RYR2: variants seen among roughly 807,000 people sequenced by gnomAD.
The protein encoded by RYR2 is ryanodine receptor 2, also known as cardiac muscle ryanodine receptor-calcium release channel.
A neutral mutation model predicts 601.1 loss-of-function variants in RYR2; 227 were observed. That is an observed-to-expected ratio of 0.38 (90% CI 0.34 to 0.42). The LOEUF (loss-of-function observed/expected upper bound fraction) is 0.42. Among genes scored for constraint, RYR2 ranks in the 10% least tolerant of loss-of-function variants. The probability of loss-of-function intolerance (pLI) is 1.00; values close to 1 mark genes in which losing one functional copy is unlikely to be tolerated. For missense variants in RYR2, 4,646 were observed against 6,156.5 expected (o/e 0.75, Z 8.21); for synonymous variants, 2,223 against 2,175.1 (o/e 1.02, Z -0.61).
intron 27 of RYR2, among the ~76,000 whole-genome samples, chr1:237,563,049 G>A (rs1337425542): frequency 6.6e-6 from 1 of 152,086 alleles, no homozygotes; most frequent in Non-Finnish European, 1.5e-5. Context: ...TTAGCAAGAG[G>A]TATAATGTTG....
chr1:237,669,729 A>G (rs1573441009), intron 58 of RYR2, among the ~76,000 whole-genome samples: 1 of 134,032 alleles, frequency 7.5e-6, no homozygotes, highest in East Asian at 2.3e-4. Context: ...CCTAGATGTG[A>G]TGGCGGCTGG....
chr1:237,538,098 A>G (rs2148003398), intron 25 of RYR2, among the ~76,000 whole-genome samples: 1 of 152,228 alleles, frequency 6.6e-6, no homozygotes, highest in African/African-American at 2.4e-5. Flanking sequence ...ACTAGTCTTT[A>G]GGAAGTTCAG....
intron 1 of RYR2, among the ~76,000 whole-genome samples, chr1:237,156,269 AC>A (rs1205324140): frequency 6.6e-6 from 1 of 152,246 alleles, no homozygotes; most frequent in Non-Finnish European, 1.5e-5. Context: ...TTGTGAAGGT[AC>A]TAAATGCCAC....
chr1:237,538,010 A>C (rs1668827218), intron 25 of RYR2, among the ~76,000 whole-genome samples: 1 of 152,146 alleles, frequency 6.6e-6, no homozygotes, highest in Non-Finnish European at 1.5e-5. Context: ...AATAACAAAG[A>C]GGTGATTGAT....
At chr1:237,255,818 G>A (rs995409279) in intron 1 of RYR2, among the ~76,000 whole-genome samples, 1 of 148,818 alleles carries the variant, frequency 6.7e-6, no homozygotes, top group Non-Finnish European at 1.5e-5. Context: ...TGATGTTCTA[G>A]TTGTGCTGCT....
chr1:237,063,836 T>C (rs993644305), intron 1 of RYR2, among the ~76,000 whole-genome samples: 1 of 152,184 alleles, frequency 6.6e-6, no homozygotes, highest in African/African-American at 2.4e-5. Context: ...CATCTGTGTT[T>C]CTCCTTGTTT....
chr1:237,387,155 G>A (rs1370555381), intron 8 of RYR2, 126 bp from the exon 9 acceptor site: 4 of 810,674 alleles, frequency 4.9e-6, no homozygotes, highest in South Asian at 1.4e-5. Flanking sequence ...TTGAATGACA[G>A]GTTGAAACAG....
chr1:237,298,871 A>T (rs1392927877), intron 2 of RYR2, among the ~76,000 whole-genome samples: 1 of 152,054 alleles, frequency 6.6e-6, no homozygotes, highest in African/African-American at 2.4e-5. Flanking sequence ...ATGGTGGTGC[A>T]CACCTGTAGT....
At chr1:237,349,688 T>A (rs1344300428) in intron 3 of RYR2, among the ~76,000 whole-genome samples, 2 of 152,232 alleles carry the variant, frequency 1.3e-5, no homozygotes, top group Non-Finnish European at 2.9e-5. Flanking sequence ...AATTTATACT[T>A]ATAATGAAAG....
chr1:237,687,651 A>G (rs532253292), intron 63 of RYR2, 147 bp downstream of exon 63: 4 of 672,370 alleles, frequency 5.9e-6, no homozygotes, highest in Non-Finnish European at 1.1e-5. Flanking sequence ...AAGGTCCTCG[A>G]GGTTGTTCAT....
At chr1:237,492,544 G>A (rs571884561) in intron 18 of RYR2, among the ~76,000 whole-genome samples, 53 of 152,208 alleles carry the variant, frequency 3.5e-4, no homozygotes, top group Middle Eastern at 3.4e-3. Context: ...GGGGGAATTC[G>A]AATCAGCTGA....
At chr1:237,128,311 C>T (rs941328432) in intron 1 of RYR2, among the ~76,000 whole-genome samples, 5 of 152,046 alleles carry the variant, frequency 3.3e-5, no homozygotes, top group African/African-American at 7.2e-5. Flanking sequence ...TGCAGTGAGC[C>T]GAGATGGCAG....
chr1:237,464,686 G>C (rs1454044116), intron 16 of RYR2, among the ~76,000 whole-genome samples: 1 of 152,052 alleles, frequency 6.6e-6, no homozygotes, highest in East Asian at 1.9e-4. Context: ...TTTTCTCCAT[G>C]CTATACATGT....
intron 12 of RYR2, among the ~76,000 whole-genome samples, chr1:237,434,981 G>A (rs1393220397): frequency 6.6e-6 from 1 of 152,038 alleles, no homozygotes; most frequent in Non-Finnish European, 1.5e-5. Context: ...TCGCCATGTT[G>A]CCCAGGCTGG....
intron 80 of RYR2, among the ~76,000 whole-genome samples, chr1:237,748,435 A>G (rs1377270947): frequency 6.6e-6 from 1 of 152,216 alleles, no homozygotes; most frequent in African/African-American, 2.4e-5. Flanking sequence ...TGGGGAAGCC[A>G]GAGCTGCCTT....
intron 1 of RYR2, among the ~76,000 whole-genome samples, chr1:237,261,525 C>T (rs992735546): frequency 6.6e-6 from 1 of 152,228 alleles, no homozygotes; most frequent in Non-Finnish European, 1.5e-5. Flanking sequence ...ATTGCTCCCC[C>T]TCCACTGGTG....
intron 67 of RYR2, among the ~76,000 whole-genome samples, chr1:237,706,481 C>T (rs1688389560): frequency 6.6e-6 from 1 of 152,104 alleles, no homozygotes; most frequent in Non-Finnish European, 1.5e-5. Context: ...ACGGAGAGTG[C>T]CTGGATAGCT....
chr1:237,347,362 A>G (rs531296540), intron 3 of RYR2, among the ~76,000 whole-genome samples: 2 of 152,254 alleles, frequency 1.3e-5, no homozygotes, highest in African/African-American at 2.4e-5. Context: ...AGAAAAATAC[A>G]TATGTATAAT....
Position 237,148,353 on chromosome 1 carries a change from G to T in RYR2, c.48+105784G>T, listed in dbSNP as rs189565199. On this transcript the variant is annotated intron_variant, in intron 1 of 104. Coordinates refer to ENST00000366574, the MANE Select transcript of RYR2 (RefSeq NM_001035.3). ...GGAACATCACACACTGGGGCCTGTCGGGAGGGCTGGGGGATGTGGGGGAGA... is the reference window on the plus strand; with the variant it reads ...GGAACATCACACACTGGGGCCTGTCTGGAGGGCTGGGGGATGTGGGGGAGA... Among the ~76,000 whole-genome samples, 940 of 151,708 alleles carry T rather than the reference G, an allele frequency of 6.2e-3. 28 individuals are homozygous for T. The South Asian group carries it at 0.095, about 15-fold the overall frequency.
Sources: allele counts gnomAD v4.1 joint callset (sites outside exome capture counted in the v4.1 genomes callset), GRCh38; gene constraint gnomAD v4.1.1; transcripts MANE v1.5; gene names NCBI Gene and HGNC (gene_info 2026-07-23, HGNC 2026-07-21).